TAF4: variants seen among roughly 807,000 people sequenced by gnomAD.
TAF4 encodes the protein transcription initiation factor TFIID subunit 4.
In TAF4, 9 loss-of-function variants were observed where a neutral mutation model predicts 90.3. The observed-to-expected ratio is 0.10, with a 90% CI of 0.06 to 0.17. The LOEUF is 0.17. Among genes scored for constraint, TAF4 ranks in the 10% least tolerant of loss-of-function variants. The probability of loss-of-function intolerance (pLI) is 1.00; values close to 1 mark genes in which losing one functional copy is unlikely to be tolerated. For missense variants in TAF4, 1,351 were observed against 1,370.7 expected (o/e 0.99, Z 0.23); for synonymous variants, 818 against 638.9 (o/e 1.28, Z -4.23).
At chr20:62,015,768 G>C (rs2055808826) in intron 1 of TAF4, among the ~76,000 whole-genome samples, 1 of 152,184 alleles carries the variant, frequency 6.6e-6, no homozygotes, top group Non-Finnish European at 1.5e-5. Flanking sequence ...AAATGAGCGT[G>C]GGGCTTCCTC....
rs1280707072 is a variant in TAF4, at chr20:62,065,045, AGGGCGCGGC to A, written c.757_765del (p.Ala253_Pro255del). 17 of 508,774 alleles carry A rather than the reference AGGGCGCGGC, an allele frequency of 3.3e-5. No homozygotes were observed. The African/African-American group carries it at 7.5e-4, about 22-fold the overall frequency. 31.5% of individuals were successfully genotyped at this position (508,774 alleles called of 1,614,324 possible). A position where few individuals can be genotyped will look rare whatever the true frequency, so the allele number is the denominator to read the frequency against. On this transcript the variant is annotated inframe_deletion, in exon 1 of 15. Coordinates refer to ENST00000252996, the MANE Select transcript of TAF4 (RefSeq NM_003185.4). ...GCGGGCGCGGGGGCGGCGGGGGGCG[AGGGCGCGGC>A]GGGCGCGGGGGGCGCGGCGGCGCCC...
rs954043560 is a variant in TAF4, at chr20:62,060,941, T to G, written c.1360+3510A>C. ...TGAGGGGAACTGGGAGAGTTTGGAA[T>G]AGTGAGCGCCACCTGACAGCTATGT... is the stretch of plus-strand genomic sequence containing the variant. On this transcript the variant is annotated intron_variant, in intron 1 of 14. Transcript: ENST00000252996. Among the ~76,000 whole-genome samples, 5 of 152,300 alleles carry G rather than the reference T, an allele frequency of 3.3e-5. No individual in the cohort carries two copies. In the East Asian group the frequency reaches 7.7e-4, roughly 24 times the overall value.
chr20:62,065,744 T>C lies in TAF4; in HGVS notation c.67A>G (p.Ser23Gly). Residue 23 changes from serine to glycine, a missense_variant, in exon 1 of 15, where the codon AGC (serine) becomes GGC (glycine). By Grantham distance (56) the Ser-to-Gly change is moderately conservative. This residue lies in a region of TAF4 where 782 missense variants were observed against 536.6 expected (regional missense o/e 1.46). Transcript: ENST00000252996. ...FNSEVDEKVV[S>G]DLVGSLESQL... The stretch of plus-strand genomic sequence containing the variant: ...GACTCCAGCGAGCCCACCAGGTCGC[T>C]CACCACTTTCTCGTCCACCTCGCTG... 1 of 1,329,050 alleles carries C rather than the reference T, an allele frequency of 7.5e-7. No individual in the cohort carries two copies. Among genetic ancestry groups the C allele is most frequent in the Non-Finnish European group, 9.8e-7 (1 of 1,021,846 alleles). 82.3% of individuals were successfully genotyped at this position (1,329,050 alleles called of 1,614,324 possible).
intron 1 of TAF4, among the ~76,000 whole-genome samples, chr20:62,015,621 A>G (rs1001482640): frequency 4.6e-5 from 7 of 152,056 alleles, no homozygotes; most frequent in Non-Finnish European, 8.8e-5. Flanking sequence ...CCCATCACAC[A>G]CTGGCCAAGC....
rs1555875762 is a variant in TAF4 at position 62,014,017 on chromosome 20, T to TGGGTGTGG, written c.1521+529_1521+530insCCACACCC. Among the ~76,000 whole-genome samples the TGGGTGTGG allele has an allele frequency of 3.8e-3, 440 of 116,494 alleles. 3 individuals are homozygous for TGGGTGTGG. The highest frequency in any genetic ancestry group is 0.016 in the African/African-American group (400 of 24,828). The allele number at this position is 116,494 out of a possible 152,430, so 76.4% of individuals were successfully genotyped here. On this transcript the variant is annotated intron_variant, in intron 2 of 14. Transcript: ENST00000252996. ...GGCCCTGAAGGCTGACGCGGGGGTG[T>TGGGTGTGG]GGGTGTGTGTGTGTGTGTGTGTGTG...
chr20:62,032,780 G>A (rs1469735414), intron 1 of TAF4, among the ~76,000 whole-genome samples: 2 of 152,134 alleles, frequency 1.3e-5, no homozygotes, highest in African/African-American at 2.4e-5. Flanking sequence ...GCAAAGCAGG[G>A]GCTCTGAGCA....
At chr20:62,063,965 G>A (rs905653471) in intron 1 of TAF4, among the ~76,000 whole-genome samples, 6 of 152,200 alleles carry the variant, frequency 3.9e-5, no homozygotes, top group East Asian at 1.9e-4. Context: ...GGTCACCAAG[G>A]GGCAGAAAGG....
chr20:62,018,871 G>T (rs953812112), intron 1 of TAF4, among the ~76,000 whole-genome samples: 3 of 152,260 alleles, frequency 2.0e-5, no homozygotes, highest in Non-Finnish European at 4.4e-5. Flanking sequence ...ACGGGATGGG[G>T]CATAGCCCTG....
intron 14 of TAF4, among the ~76,000 whole-genome samples, chr20:61,985,052 G>A (rs1469263685): frequency 7.1e-6 from 1 of 141,590 alleles, no homozygotes; most frequent in African/African-American, 2.7e-5. Context: ...GGAGGGTGTG[G>A]CAGGACACCA....
intron 1 of TAF4, among the ~76,000 whole-genome samples, chr20:62,038,671 A>C (rs6587283): frequency 0.7 from 105,759 of 152,092 alleles, 36,971 homozygotes; most frequent in African/African-American, 0.78. Context: ...AAGAGGTACA[A>C]CACGTTCGTG....
At chr20:62,042,308 A>T (rs546199178) in intron 1 of TAF4, among the ~76,000 whole-genome samples, 1 of 152,298 alleles carries the variant, frequency 6.6e-6, no homozygotes, top group South Asian at 2.1e-4. Flanking sequence ...TTCTCACTCC[A>T]TCCCCTTGCC....
At chr20:62,008,379 G>C (rs894492003) in intron 5 of TAF4, among the ~76,000 whole-genome samples, 1 of 152,186 alleles carries the variant, frequency 6.6e-6, no homozygotes, top group Admixed American at 6.5e-5. Flanking sequence ...CCTGAGCCAC[G>C]AGACAGCCAT....
At chr20:61,983,802 G>A (rs1433966307) in intron 14 of TAF4, among the ~76,000 whole-genome samples, 1 of 152,128 alleles carries the variant, frequency 6.6e-6, no homozygotes, top group East Asian at 1.9e-4. Flanking sequence ...CATAAACTGA[G>A]ACCAAACCAT....
At chr20:61,977,489 G>GC (rs2055503163) in intron 14 of TAF4, among the ~76,000 whole-genome samples, 1 of 152,038 alleles carries the variant, frequency 6.6e-6, no homozygotes, top group African/African-American at 2.4e-5. Context: ...ACATGGCCCC[G>GC]CCCCTCATGC....
In TAF4 at chr20:61,977,838, C is replaced by A. The variant is rs1054651032; in HGVS notation, c.3091-1503G>T. Among the ~76,000 whole-genome samples, 8 of 152,330 alleles carry A rather than the reference C, an allele frequency of 5.3e-5. No homozygotes were observed. The South Asian group carries it at 1.7e-3, about 32-fold the overall frequency. ...GGGCAGGGCTCTCACAGGCACCACC[C>A]AAACAGGCTGTGTGACCCAGTGACA... is the stretch of plus-strand genomic sequence containing the variant. On this transcript the variant is annotated intron_variant, in intron 14 of 14. Transcript: ENST00000252996.
At chr20:61,993,102 C>T (rs1419429077) in intron 14 of TAF4, among the ~76,000 whole-genome samples, 1 of 152,170 alleles carries the variant, frequency 6.6e-6, no homozygotes, top group Non-Finnish European at 1.5e-5. Context: ...AGCGGCCAAA[C>T]AGTAGTGGAG....
intron 1 of TAF4, among the ~76,000 whole-genome samples, chr20:62,018,047 G>C (rs894202165): frequency 1.3e-5 from 2 of 152,156 alleles, no homozygotes; most frequent in African/African-American, 2.4e-5. Flanking sequence ...GTTGGAGAAG[G>C]AATCAAACGT....
Position 62,009,101 on chromosome 20 carries a change from T to G in TAF4, c.1835A>C (p.Gln612Pro). ...TLIKLASSGK[Q>P]STETAANVKE... ...CACATTAGCTGCTGTCTCTGTAGAC[T>G]GCTTGCCAGATGAAGCCAGTTTTAT... The change falls in exon 5 of 15, where the codon CAG (glutamine) becomes CCG (proline). Residue 612 changes from glutamine to proline, a missense_variant. Gln to Pro is a moderately conservative substitution (Grantham distance 76). Transcript: ENST00000252996. 6.2e-7 allele frequency: 1 copy of G among 1,613,966 alleles called. No individual in the cohort carries two copies. The highest frequency in any genetic ancestry group is 8.5e-7 in the Non-Finnish European group (1 of 1,179,958).
intron 1 of TAF4, among the ~76,000 whole-genome samples, chr20:62,026,210 G>A (rs2055873719): frequency 6.6e-6 from 1 of 152,132 alleles, no homozygotes; most frequent in African/African-American, 2.4e-5. Context: ...CTGCCCGAGA[G>A]TCGTATTAAC....
Sources: gnomAD v4.1 joint callset for allele counts (sites outside exome capture counted in the v4.1 genomes callset) on GRCh38, gnomAD v4.1.1 for gene constraint, gnomAD v4.1.1 regional missense constraint, MANE v1.5 for transcripts, NCBI Gene and HGNC (gene_info 2026-07-23, HGNC 2026-07-21) for gene names.